IFT57: variants seen among roughly 807,000 people sequenced by gnomAD.
The protein encoded by IFT57 is intraflagellar transport 57, also known as intraflagellar transport protein 57 homolog.
A neutral mutation model predicts 56.8 loss-of-function variants in IFT57; 59 were observed. That is an observed-to-expected ratio of 1.04 (90% confidence interval 0.84 to 1.29). IFT57 has a LOEUF of 1.29. IFT57 is among the 50% of genes most tolerant of loss of function. IFT57 has a pLI of 0.00. For synonymous variants in IFT57, 209 were observed against 186.1 expected, an observed-to-expected ratio of 1.12 and a Z score of -1.00; for missense variants, 470 against 522.1, an observed-to-expected ratio of 0.90 and a Z score of 0.97.
intron 6 of IFT57, among the ~76,000 whole-genome samples, chr3:108,171,979 A>T (rs1229567396): frequency 1.3e-5 from 2 of 151,888 alleles, no homozygotes; most frequent in East Asian, 3.9e-4. Flanking sequence ...ACAAATATAT[A>T]GTTTTTATTA....
chr3:108,170,197 G>A (rs1006654163), intron 6 of IFT57, among the ~76,000 whole-genome samples: 2 of 151,936 alleles, frequency 1.3e-5, no homozygotes, highest in Non-Finnish European at 2.9e-5. Flanking sequence ...TAGGAACTGA[G>A]GAAGTCAAAT....
At chr3:108,204,037 C>T (rs1193344401) in intron 5 of IFT57, among the ~76,000 whole-genome samples, 1 of 152,204 alleles carries the variant, frequency 6.6e-6, no homozygotes, top group East Asian at 1.9e-4. Context: ...AGTCCACCTG[C>T]TGCATGAGAC....
chr3:108,184,100 G>T (rs12695179), intron 6 of IFT57, among the ~76,000 whole-genome samples: 1 of 152,136 alleles, frequency 6.6e-6, no homozygotes, highest in Non-Finnish European at 1.5e-5. Flanking sequence ...CAGACAGTCA[G>T]TTTCTAAGAA....
chr3:108,222,315 G>A lies in IFT57; in HGVS notation c.8C>T (p.Ala3Val), dbSNP rs1259604770. 8.7e-6 allele frequency: 14 copies of A among 1,609,884 alleles called. No individual in the cohort carries two copies. Among genetic ancestry groups the A allele is most frequent in the Non-Finnish European group, 1.2e-5 (14 of 1,177,976 alleles). ...CGACGTCGTGACGACGGCCAGAGCA[G>A]CAGTCATCGCAGAACGGACAGAGTC... MT[A>V]ALAVVTTSGL... The change falls in exon 1 of 11, where the codon GCT becomes GTT. Residue 3 changes from alanine (A) to valine (V), a missense_variant. Coordinates refer to ENST00000264538, the MANE Select transcript of IFT57 (RefSeq NM_018010.4).
rs1360691618 is a variant in IFT57, at chr3:108,175,820, G to A, written c.778-7956C>T. On this transcript the variant is annotated intron_variant, in intron 6 of 10. Transcript: ENST00000264538. ...CCTTCTTTAAAAAAAAAAAAAGTTT[G>A]ACTTTGCGAGTGGAGAGGCATAGTG... is the stretch of plus-strand genomic sequence containing the variant. Among the ~76,000 whole-genome samples the A allele has an allele frequency of 2.6e-5, 4 of 151,196 alleles. 1 individual carries two copies. In the South Asian group the frequency reaches 6.3e-4, roughly 24 times the overall value.
At chr3:108,191,228 A>G (rs114562665) in intron 6 of IFT57, among the ~76,000 whole-genome samples, 2,729 of 152,300 alleles carry the variant, frequency 0.018, 77 homozygotes, top group African/African-American at 0.062. Context: ...ATTCCTATTC[A>G]TCTAAACATA....
chr3:108,207,064 A>T (rs933221112), intron 4 of IFT57, among the ~76,000 whole-genome samples: 1 of 152,202 alleles, frequency 6.6e-6, no homozygotes, highest in Non-Finnish European at 1.5e-5. Context: ...GAGGGAATTA[A>T]TGGATATTTT....
At position 108,219,429 on chromosome 3, in the gene IFT57, A is replaced by G. The variant is rs777035055; in HGVS notation, c.356T>C (p.Leu119Pro). 1 of 1,613,748 alleles carries G rather than the reference A, an allele frequency of 6.2e-7. No homozygotes were observed. The highest frequency in any genetic ancestry group is 8.5e-7 in the Non-Finnish European group (1 of 1,179,654). Residue 119 changes from leucine to proline, a missense_variant, in exon 2 of 11, where the codon CTA becomes CCA. By Grantham distance (98) the Leu-to-Pro change is moderately conservative. Transcript: ENST00000264538. ...DDPNATISNI[L>P]SELRSFGRTA... ...ACTTACAAATGACCGAAGCTCGGAT[A>G]GTATGTTAGATATTGTTGCATTAGG... is the stretch of plus-strand genomic sequence containing the variant.
chr3:108,195,333 G>A (rs148884336), intron 5 of IFT57, among the ~76,000 whole-genome samples: 2 of 151,260 alleles, frequency 1.3e-5, no homozygotes, highest in African/African-American at 4.8e-5. Flanking sequence ...ACAAATGCTG[G>A]CAAGGATATG....
At chr3:108,186,693 A>G (rs1412280556) in intron 6 of IFT57, among the ~76,000 whole-genome samples, 4 of 152,104 alleles carry the variant, frequency 2.6e-5, no homozygotes, top group Non-Finnish European at 5.9e-5. Context: ...AAGTTATACC[A>G]GTGTGCTTGC....
intron 5 of IFT57, among the ~76,000 whole-genome samples, chr3:108,194,935 A>G (rs1442711339): frequency 6.6e-6 from 1 of 152,200 alleles, no homozygotes; most frequent in Non-Finnish European, 1.5e-5. Flanking sequence ...TAAGACCTCA[A>G]AAGCACAGAT....
intron 1 of IFT57, among the ~76,000 whole-genome samples, chr3:108,220,603 G>C (rs1375751183): frequency 2.6e-5 from 4 of 152,182 alleles, no homozygotes; most frequent in Admixed American, 6.5e-5. Flanking sequence ...CTTATCGGCA[G>C]ATAACTCTTC....
chr3:108,196,875 T>C (rs1469699167), intron 5 of IFT57, among the ~76,000 whole-genome samples: 3 of 152,192 alleles, frequency 2.0e-5, no homozygotes, highest in African/African-American at 7.2e-5. Flanking sequence ...CCTAATAACT[T>C]GATACATTAA....
intron 3 of IFT57, among the ~76,000 whole-genome samples, chr3:108,215,516 C>T (rs907948357): frequency 1.3e-5 from 2 of 151,886 alleles, no homozygotes; most frequent in Admixed American, 6.6e-5. Flanking sequence ...CCAGCCTGGG[C>T]GACAGAGTGA....
chr3:108,219,609 A>T (rs1162550731), intron 1 of IFT57, 37 bp from the exon 2 acceptor site: 1 of 1,592,022 alleles, frequency 6.3e-7, no homozygotes, highest in Non-Finnish European at 8.6e-7. Context: ...GCGGATGTGA[A>T]ATAATGCAAA....
At chr3:108,189,459 G>T (rs1485326070) in intron 6 of IFT57, among the ~76,000 whole-genome samples, 2 of 152,134 alleles carry the variant, frequency 1.3e-5, no homozygotes, top group African/African-American at 2.4e-5. Flanking sequence ...ATGTTTGTAA[G>T]ATTTTTTGGT....
At chr3:108,168,554 G>A (rs2080075182) in intron 6 of IFT57, among the ~76,000 whole-genome samples, 1 of 151,922 alleles carries the variant, frequency 6.6e-6, no homozygotes. Context: ...GGTATACTAT[G>A]TGCCCTGGTG....
Position 108,177,402 on chromosome 3 carries a change from TA to T in IFT57, c.778-9539del, listed in dbSNP as rs1206804431. On this transcript the variant is annotated intron_variant, in intron 6 of 10. Coordinates refer to ENST00000264538, the MANE Select transcript of IFT57 (RefSeq NM_018010.4). ...TATACCCAAACCTGACAAAGATCCC[TA>T]AAAACAAACAAAAATTACAGATCAA... 1.3e-5 allele frequency among the ~76,000 whole-genome samples: 2 copies of T among 151,714 alleles called. 1 individual carries two copies. The highest frequency in any genetic ancestry group is 2.9e-5 in the Non-Finnish European group (2 of 67,810).
At chr3:108,210,423 T>C (rs1289524259) in intron 4 of IFT57, among the ~76,000 whole-genome samples, 1 of 140,916 alleles carries the variant, frequency 7.1e-6, no homozygotes, top group Non-Finnish European at 1.5e-5. Flanking sequence ...AACCTCCACC[T>C]CCCGGGTTCA....
Sources: gnomAD v4.1 joint callset for allele counts (sites outside exome capture counted in the v4.1 genomes callset) on GRCh38, gnomAD v4.1.1 for gene constraint, MANE v1.5 for transcripts, NCBI Gene and HGNC (gene_info 2026-07-23, HGNC 2026-07-21) for gene names.